Variants in MECOM observed in about 807,000 individuals in gnomAD.
The protein encoded by MECOM is MDS1 and EVI1 complex locus.
A neutral mutation model predicts 116.3 loss-of-function variants in MECOM; 13 were observed. That is an observed-to-expected ratio of 0.11 (90% confidence interval 0.07 to 0.18). The LOEUF is 0.18. Among genes scored for constraint, MECOM ranks in the 10% least tolerant of loss-of-function variants. The pLI, the probability that MECOM is intolerant of heterozygous loss-of-function variation, is 1.00. For missense variants in MECOM, 1,299 were observed against 1,509.0 expected (o/e 0.86, Z 2.31); for synonymous variants, 528 against 535.2 (o/e 0.99, Z 0.19).
chr3:169,427,069 T>G (rs993437567), intron 1 of MECOM, among the ~76,000 whole-genome samples: 1 of 152,188 alleles, frequency 6.6e-6, no homozygotes, highest in Non-Finnish European at 1.5e-5. Context: ...AACAGAGAGC[T>G]TCTCAAGGTA....
chr3:169,144,611 T>C (rs1296848860), intron 2 of MECOM, among the ~76,000 whole-genome samples: 2 of 152,186 alleles, frequency 1.3e-5, no homozygotes, highest in Admixed American at 1.3e-4. Context: ...TGTTAATCAT[T>C]AGTTAGGACA....
At chr3:169,091,018 T>C (rs1719535286) in intron 14 of MECOM, among the ~76,000 whole-genome samples, 1 of 152,044 alleles carries the variant, frequency 6.6e-6, no homozygotes, top group Admixed American at 6.6e-5. Context: ...ACACACATAG[T>C]AAAAATCCAT....
At chr3:169,488,705 A>G (rs2421651) in intron 1 of MECOM, among the ~76,000 whole-genome samples, 69,516 of 151,768 alleles carry the variant, frequency 0.46, 16,317 homozygotes, top group South Asian at 0.6. Context: ...TTTAAAGAAT[A>G]TTAAATAATA....
intron 1 of MECOM, among the ~76,000 whole-genome samples, chr3:169,454,382 T>A (rs1746124154): frequency 7.7e-6 from 1 of 129,650 alleles, no homozygotes; most frequent in South Asian, 2.9e-4. Flanking sequence ...GTAGCAACTT[T>A]CTTTCAGGAA....
intron 2 of MECOM, among the ~76,000 whole-genome samples, chr3:169,215,395 C>A (rs1208180958): frequency 1.3e-5 from 2 of 152,028 alleles, no homozygotes; most frequent in African/African-American, 2.4e-5. Context: ...TTTCTGAAAT[C>A]CTCCATTTCT....
At chr3:169,470,733 C>T (rs1321971064) in intron 1 of MECOM, among the ~76,000 whole-genome samples, 1 of 151,910 alleles carries the variant, frequency 6.6e-6, no homozygotes, top group Non-Finnish European at 1.5e-5. Context: ...GTCCTATTGC[C>T]AGAGTATAAG....
chr3:169,362,271 C>A (rs1347117101), intron 2 of MECOM, among the ~76,000 whole-genome samples: 1 of 151,856 alleles, frequency 6.6e-6, no homozygotes, highest in Non-Finnish European at 1.5e-5. Flanking sequence ...CAATATAGAA[C>A]ATGTCCATAA....
intron 1 of MECOM, among the ~76,000 whole-genome samples, chr3:169,642,199 T>C (rs938914258): frequency 3.9e-5 from 6 of 152,060 alleles, no homozygotes; most frequent in Non-Finnish European, 7.4e-5. Flanking sequence ...GTGCAACACT[T>C]GCAGGGAATT....
intron 2 of MECOM, among the ~76,000 whole-genome samples, chr3:169,205,637 C>T (rs528527249): frequency 6.6e-5 from 10 of 152,010 alleles, no homozygotes; most frequent in Admixed American, 2.0e-4. Flanking sequence ...AGGGTATCAG[C>T]GGTAATTAAA....
intron 1 of MECOM, among the ~76,000 whole-genome samples, chr3:169,408,097 C>A (rs139090807): frequency 5.1e-4 from 78 of 152,234 alleles, no homozygotes; most frequent in African/African-American, 1.8e-3. Context: ...AATCTGTCTC[C>A]AAAAACTGTA....
chr3:169,348,049 A>G (rs771823133), intron 2 of MECOM, among the ~76,000 whole-genome samples: 2 of 152,068 alleles, frequency 1.3e-5, no homozygotes, highest in Admixed American at 6.6e-5. Flanking sequence ...TCTACAGGGC[A>G]TCTTCCCAGC....
intron 2 of MECOM, among the ~76,000 whole-genome samples, chr3:169,310,649 G>T (rs1387559749): frequency 1.3e-5 from 2 of 152,142 alleles, no homozygotes; most frequent in Non-Finnish European, 2.9e-5. Flanking sequence ...TTCTGTATTT[G>T]TTTCAATGCC....
chr3:169,166,724 G>T (rs554150100), intron 2 of MECOM, among the ~76,000 whole-genome samples: 36 of 152,250 alleles, frequency 2.4e-4, no homozygotes, highest in African/African-American at 7.9e-4. Flanking sequence ...ACATTTGCAT[G>T]CACTAAATAT....
intron 1 of MECOM, among the ~76,000 whole-genome samples, chr3:169,539,743 C>G (rs1560409156): frequency 6.6e-6 from 1 of 152,174 alleles, no homozygotes; most frequent in Non-Finnish European, 1.5e-5. Flanking sequence ...GACCACAGCA[C>G]TTTCCTATAT....
At chr3:169,382,213 C>G (rs1010245401) in intron 1 of MECOM, among the ~76,000 whole-genome samples, 1 of 151,978 alleles carries the variant, frequency 6.6e-6, no homozygotes, top group East Asian at 1.9e-4. Flanking sequence ...AATTTTCCAG[C>G]GGGGAAAGGG....
intron 1 of MECOM, among the ~76,000 whole-genome samples, chr3:169,488,151 C>G (rs1361025114): frequency 1.3e-5 from 2 of 151,698 alleles, no homozygotes; most frequent in African/African-American, 4.8e-5. Context: ...TAATAAAGAC[C>G]CAAAGTTAGT....
intron 1 of MECOM, among the ~76,000 whole-genome samples, chr3:169,454,003 G>T (rs1746043651): frequency 6.6e-6 from 1 of 152,022 alleles, no homozygotes; most frequent in Non-Finnish European, 1.5e-5. Flanking sequence ...TGTGGCTTCT[G>T]GATATTCCCA....
chr3:169,623,446 T>C (rs764107383), intron 1 of MECOM, among the ~76,000 whole-genome samples: 1 of 152,212 alleles, frequency 6.6e-6, no homozygotes, highest in Non-Finnish European at 1.5e-5. Flanking sequence ...AGTTCTATGA[T>C]TTATATAAAA....
At chr3:169,432,146 T>A (rs1193981334) in intron 1 of MECOM, among the ~76,000 whole-genome samples, 2 of 151,848 alleles carry the variant, frequency 1.3e-5, no homozygotes, top group Non-Finnish European at 2.9e-5. Context: ...CACTGTCATT[T>A]TTGTGATAGT....
Sources: allele counts gnomAD v4.1 joint callset (sites outside exome capture counted in the v4.1 genomes callset), GRCh38; gene constraint gnomAD v4.1.1; transcripts MANE v1.5; gene names NCBI Gene and HGNC (gene_info 2026-07-23, HGNC 2026-07-21).